Variants in FBXO24 observed in about 807,000 individuals in gnomAD.
The protein encoded by FBXO24 is F-box only protein 24.
In FBXO24, 30 loss-of-function variants were observed where a neutral mutation model predicts 63.5. That is an observed-to-expected ratio of 0.47 (90% CI 0.35 to 0.64). The LOEUF (loss-of-function observed/expected upper bound fraction) is 0.64, where lower values mean the gene tolerates loss of function less well. Ranked by LOEUF, FBXO24 falls within the 30% of genes least tolerant of loss-of-function variation. The pLI, the probability that FBXO24 is intolerant of heterozygous loss-of-function variation, is 0.00. For synonymous variants in FBXO24, 300 were observed against 305.0 expected (o/e 0.98, Z 0.17); for missense variants, 624 against 763.4 (o/e 0.82, Z 2.15).
At chr7:100,586,891 G>T in intron 1 of FBXO24, 1 of 447,712 alleles carries the variant, frequency 2.2e-6, no homozygotes, top group South Asian at 1.9e-5. Flanking sequence ...TCTGGCAGGG[G>T]TCTCGGGACC....
chr7:100,600,475 T>C lies in FBXO24; in HGVS notation c.1378-59T>C. 1.3e-6 allele frequency: 2 copies of C among 1,520,328 alleles called. No individual in the cohort carries two copies. The highest frequency in any genetic ancestry group is 2.3e-5 in the East Asian group (1 of 44,074). 94.2% of individuals were successfully genotyped at this position (1,520,328 alleles called of 1,614,324 possible). ...AATAGGCAGATTAGCCCGGGCACCC[T>C]GGGAAACCCTGCAAGGAAAGCACCA... is the stretch of plus-strand genomic sequence containing the variant. On this transcript the variant is annotated intron_variant, in intron 9 of 9. Transcript: ENST00000241071. The surrounding 1 kb of genome is among the most constrained non-coding windows in gnomAD (Gnocchi z 6.3).
Position 100,595,460 on chromosome 7 carries a change from A to G in FBXO24, c.1075-115A>G, listed in dbSNP as rs1802260455. 5 of 1,327,892 alleles carry G rather than the reference A, an allele frequency of 3.8e-6. No individual in the cohort carries two copies. In the East Asian group the frequency reaches 1.2e-4, roughly 32 times the overall value. The allele number at this position is 1,327,892 out of a possible 1,614,324, so 82.3% of individuals were successfully genotyped here. A position where few individuals can be genotyped will look rare whatever the true frequency, so the allele number is the denominator to read the frequency against. Reference sequence around the variant, plus strand: ...CATAGTGAGATCCCATCTCTAAAATATATATATAGAAAGAGATCAGCTGGG... The same window carrying G: ...CATAGTGAGATCCCATCTCTAAAATGTATATATAGAAAGAGATCAGCTGGG... On this transcript the variant is annotated intron_variant, in intron 7 of 9. Coordinates refer to ENST00000241071, the MANE Select transcript of FBXO24 (RefSeq NM_033506.3).
rs766541851 is a variant in FBXO24 at position 100,589,666 on chromosome 7, G to T, written c.40-311G>T. 8.6e-6 allele frequency: 13 copies of T among 1,504,768 alleles called. No homozygotes were observed. Among genetic ancestry groups the T allele is most frequent in the South Asian group, 3.8e-5 (3 of 79,112 alleles). The allele number at this position is 1,504,768 out of a possible 1,614,324, so 93.2% of individuals were successfully genotyped here. A position where few individuals can be genotyped will look rare whatever the true frequency, so the allele number is the denominator to read the frequency against. ...ATGGTGTGGGAAAGCCAGCAGGAAC[G>T]GGGGGGCCAAGGGCCTAGGAGACAG... On this transcript the variant is annotated intron_variant, in intron 1 of 9. Coordinates refer to ENST00000241071, the MANE Select transcript of FBXO24 (RefSeq NM_033506.3).
At chr7:100,592,149 C>T (rs1204345341) in intron 4 of FBXO24, 7 of 417,752 alleles carry the variant, frequency 1.7e-5, no homozygotes, top group Middle Eastern at 1.4e-3. Flanking sequence ...ATTCCAGCTA[C>T]TTGGGAGGCT....
intron 4 of FBXO24, chr7:100,592,371 G>T: frequency 4.0e-6 from 1 of 248,844 alleles, no homozygotes; most frequent in Non-Finnish European, 7.9e-6. Context: ...CATGGCAGAA[G>T]GGAAAGAGGC....
At chr7:100,588,379 T>A (rs1364784684) in intron 1 of FBXO24, among the ~76,000 whole-genome samples, 1 of 152,232 alleles carries the variant, frequency 6.6e-6, no homozygotes, top group Non-Finnish European at 1.5e-5. Context: ...GAAGTTGCTT[T>A]CTCCTTAGTT....
intron 3 of FBXO24, among the ~76,000 whole-genome samples, chr7:100,590,973 A>G (rs1801986314): frequency 6.6e-6 from 1 of 151,390 alleles, no homozygotes; most frequent in African/African-American, 2.4e-5. Context: ...ACCGGCCTTC[A>G]TCAATCATTC....
chr7:100,596,187 G>C (rs1802299065), intron 8 of FBXO24, among the ~76,000 whole-genome samples: 1 of 152,212 alleles, frequency 6.6e-6, no homozygotes, highest in South Asian at 2.1e-4. Flanking sequence ...GTTGAGGCAG[G>C]AGATTCTCTT....
At position 100,592,824 on chromosome 7, in the gene FBXO24, C is replaced by T. The variant is rs776956339; in HGVS notation, c.600C>T (p.Tyr200=). The stretch of plus-strand genomic sequence containing the variant: ...GGTGTGACACAGTTTACCGTAAATA[C>T]CTCTACGTCTTGGCCACTCGGGAGC... ...DPRCDTVYRK[Y]LYVLATREPQ... is the part of the protein sequence containing the mutation. Residue 200 remains tyrosine (Y), a synonymous_variant, in exon 5 of 10, where the codon TAC becomes TAT. Transcript: ENST00000241071. 1 of 1,614,186 alleles carries T rather than the reference C, an allele frequency of 6.2e-7. No individual in the cohort carries two copies. The highest frequency in any genetic ancestry group is 8.5e-7 in the Non-Finnish European group (1 of 1,180,036).
rs2131264977 is a variant in FBXO24 at position 100,591,738 on chromosome 7, C to T, written c.394C>T (p.Leu132=). The change falls in exon 4 of 10, where the codon CTA becomes TTA. Residue 132 remains leucine (L), a synonymous_variant. Coordinates refer to ENST00000241071, the MANE Select transcript of FBXO24 (RefSeq NM_033506.3). ...RCLSKSVAPL[L]AHGYRRFLPT... is the part of the protein sequence containing the mutation. ...TCTCAGCAAGAGCGTGGCCCCCTTG[C>T]TAGCCCACGGCTACCGCCGCTTCTT... 3.7e-6 allele frequency: 6 copies of T among 1,614,270 alleles called. No homozygotes were observed. Among genetic ancestry groups the T allele is most frequent in the Non-Finnish European group, 4.2e-6 (5 of 1,180,046 alleles).
chr7:100,592,260 G>GA (rs556573255), intron 4 of FBXO24: 181 of 237,940 alleles, frequency 7.6e-4, no homozygotes, highest in East Asian at 1.5e-3. Context: ...ACTCCGTCTC[G>GA]AAAAAAAAAG....
Position 100,600,110 on chromosome 7 carries a change from G to C in FBXO24, c.1286G>C (p.Ser429Thr). 6.2e-7 allele frequency: 1 copy of C among 1,608,106 alleles called. No individual in the cohort carries two copies. ...GTGCTGAGCCAGAGCTCAGAGTTCAGCAAGGAGCTGCTGGGCTGCGGCTGT... is the reference window on the plus strand; with the variant it reads ...GTGCTGAGCCAGAGCTCAGAGTTCACCAAGGAGCTGCTGGGCTGCGGCTGT... ...SLVLSQSSEFSKELLGCGCGA... is the reference protein window; with the variant it reads ...SLVLSQSSEFTKELLGCGCGA... The change falls in exon 9 of 10, where the codon AGC becomes ACC. Residue 429 changes from serine (S) to threonine (T), a missense_variant. Ser to Thr is a moderately conservative substitution (Grantham distance 58, BLOSUM62 1). Coordinates refer to ENST00000241071, the MANE Select transcript of FBXO24 (RefSeq NM_033506.3). This position sits in a 1 kb window ranked among gnomAD's most constrained non-coding sequence, Gnocchi z 6.3.
chr7:100,593,568 C>A (rs1802137448), intron 5 of FBXO24, among the ~76,000 whole-genome samples: 1 of 148,368 alleles, frequency 6.7e-6, no homozygotes, highest in Admixed American at 6.9e-5. Context: ...GCAGAGGTTG[C>A]AGTGAGCCGA....
At chr7:100,589,444 C>T (rs760900927) in intron 1 of FBXO24, 11 of 1,246,308 alleles carry the variant, frequency 8.8e-6, no homozygotes, top group Non-Finnish European at 1.0e-5. Context: ...ATGCATATCC[C>T]TTGAGCCATG....
intron 4 of FBXO24, 82 bp downstream of exon 4, chr7:100,591,984 G>C: frequency 7.2e-7 from 1 of 1,392,862 alleles, no homozygotes; most frequent in Admixed American, 1.7e-5. Context: ...CCAGAGGCCG[G>C]GTGCAGTGGC....
At chr7:100,595,759 A>G (rs1802276883) in intron 8 of FBXO24, 53 bp downstream of exon 8, 2 of 1,534,866 alleles carry the variant, frequency 1.3e-6, no homozygotes, top group South Asian at 2.5e-5. Flanking sequence ...CCAATTCCCT[A>G]ACCCCCAGAT....
intron 8 of FBXO24, 109 bp downstream of exon 8, chr7:100,595,815 G>A (rs1467643478): frequency 6.9e-7 from 1 of 1,448,668 alleles, no homozygotes; most frequent in South Asian, 1.5e-5. Flanking sequence ...CTGTTCCTTT[G>A]GGAAGTTAAG....
At chr7:100,595,943 G>C (rs532268969) in intron 8 of FBXO24, among the ~76,000 whole-genome samples, 28 of 152,318 alleles carry the variant, frequency 1.8e-4, no homozygotes, top group African/African-American at 6.3e-4. Flanking sequence ...AAGGGGTAGG[G>C]TGGGTGACCT....
chr7:100,598,342 TC>T (rs1235004989), intron 8 of FBXO24, among the ~76,000 whole-genome samples: 1 of 152,264 alleles, frequency 6.6e-6, no homozygotes, highest in Non-Finnish European at 1.5e-5. Flanking sequence ...TCATAATTTT[TC>T]TAGAATGACC....
Sources: allele counts gnomAD v4.1 joint callset (sites outside exome capture counted in the v4.1 genomes callset), GRCh38; gene constraint gnomAD v4.1.1; non-coding constraint Gnocchi (gnomAD v3.1); transcripts MANE v1.5; gene names NCBI Gene and HGNC (gene_info 2026-07-23, HGNC 2026-07-21).